GABPA: variants seen among roughly 807,000 people sequenced by gnomAD.
The protein encoded by GABPA is GA-binding protein alpha chain.
In GABPA, 4 loss-of-function variants were observed where a neutral mutation model predicts 59.4. The ratio of observed to expected loss-of-function variants is 0.07; its 90% confidence interval spans 0.03 to 0.15. The LOEUF is 0.15. GABPA is among the 10% of genes least tolerant of loss of function. The pLI is 1.00. For missense variants in GABPA, 251 were observed against 543.8 expected (o/e 0.46, Z 5.36); for synonymous variants, 164 against 183.1 (o/e 0.90, Z 0.84).
chr21:25,741,715 A>G, intron 2 of GABPA, 40 bp downstream of exon 2: 3 of 1,271,556 alleles, frequency 2.4e-6, no homozygotes, highest in Non-Finnish European at 3.4e-6. Flanking sequence ...TCAAAATATC[A>G]ATATACCTAA....
At chr21:25,762,110 T>C (rs2035778716) in intron 6 of GABPA, among the ~76,000 whole-genome samples, 1 of 152,172 alleles carries the variant, frequency 6.6e-6, no homozygotes, top group Non-Finnish European at 1.5e-5. Flanking sequence ...CCCTGTGTTA[T>C]TTCTCTTAAG....
chr21:25,757,265 G>C (rs1227425634), intron 5 of GABPA, among the ~76,000 whole-genome samples: 2 of 152,102 alleles, frequency 1.3e-5, no homozygotes, highest in Non-Finnish European at 2.9e-5. Context: ...AGGTGCGGGT[G>C]ATACAGCAAT....
Position 25,772,402 on chromosome 21 carries a change from A to G in GABPA, c.*3170A>G, listed in dbSNP as rs1161293254. ...TTATTTTCTATTTTTACGCAGATAA[A>G]TATTTGTGCATAAAATGTAAAAATA... On this transcript the variant is annotated 3_prime_UTR_variant, in exon 10 of 10. Transcript: ENST00000400075. 1.3e-5 allele frequency: 2 copies of G among 152,116 alleles called. No individual in the cohort carries two copies. Among genetic ancestry groups the G allele is most frequent in the Non-Finnish European group, 2.9e-5 (2 of 67,968 alleles). 9.4% of individuals were successfully genotyped at this position (152,116 alleles called of 1,614,324 possible). A position where few individuals can be genotyped will look rare whatever the true frequency, so the allele number is the denominator to read the frequency against.
At chr21:25,755,022 G>A (rs930865523) in intron 5 of GABPA, among the ~76,000 whole-genome samples, 1 of 152,120 alleles carries the variant, frequency 6.6e-6, no homozygotes, top group African/African-American at 2.4e-5. Flanking sequence ...GTGCACTCCA[G>A]CCTGGGCAAC....
At chr21:25,761,230 C>T (rs2035758333) in intron 6 of GABPA, among the ~76,000 whole-genome samples, 1 of 152,082 alleles carries the variant, frequency 6.6e-6, no homozygotes, top group Non-Finnish European at 1.5e-5. Flanking sequence ...TTTTTAAAAA[C>T]ATGTTTCTTT....
At chr21:25,758,337 A>G (rs1213374298) in intron 6 of GABPA, 133 bp downstream of exon 6, 4 of 626,004 alleles carry the variant, frequency 6.4e-6, no homozygotes, top group African/African-American at 5.7e-5. Context: ...TATTTACTGT[A>G]TAATGCTATG....
intron 6 of GABPA, among the ~76,000 whole-genome samples, chr21:25,760,748 G>T (rs2035746469): frequency 6.6e-6 from 1 of 152,162 alleles, no homozygotes; most frequent in African/African-American, 2.4e-5. Context: ...CCAGGGCTTT[G>T]CCTCTCAAGA....
chr21:25,759,194 A>G (rs1019602445), intron 6 of GABPA, among the ~76,000 whole-genome samples: 1 of 152,374 alleles, frequency 6.6e-6, no homozygotes, highest in African/African-American at 2.4e-5. Context: ...AGACACCGAA[A>G]GCAACCCATT....
intron 9 of GABPA, among the ~76,000 whole-genome samples, chr21:25,766,086 C>T (rs964956457): frequency 6.6e-6 from 1 of 151,822 alleles, no homozygotes; most frequent in Non-Finnish European, 1.5e-5. Flanking sequence ...ACAAATAGGC[C>T]ATACAGTAGA....
chr21:25,735,635 C>T (rs1041020543), intron 1 of GABPA, 57 bp downstream of exon 1: 10 of 152,304 alleles, frequency 6.6e-5, no homozygotes, highest in African/African-American at 2.4e-4. Context: ...CGGCCTCGTT[C>T]CGGGGCCTTT....
In GABPA at chr21:25,734,977, G is replaced by T. The variant is rs748989957; in HGVS notation, c.-628G>T. On this transcript the variant is annotated 5_prime_UTR_variant, in exon 1 of 10. Coordinates refer to ENST00000400075, the MANE Select transcript of GABPA (RefSeq NM_002040.4). ...GCATTATGGGCCGCCGTTTCAGTCG[G>T]TCGACGCTCACCGGACAGGAAGCGT... is the stretch of plus-strand genomic sequence containing the variant. The T allele has an allele frequency of 3.7e-5, 58 of 1,562,534 alleles. No individual in the cohort carries two copies. The highest frequency in any genetic ancestry group is 4.8e-5 in the Non-Finnish European group (56 of 1,155,904).
At chr21:25,761,042 A>G (rs2035754217) in intron 6 of GABPA, among the ~76,000 whole-genome samples, 3 of 152,084 alleles carry the variant, frequency 2.0e-5, no homozygotes, top group Admixed American at 2.0e-4. Context: ...AGTCTCAAAT[A>G]GTTCCTCTTT....
In GABPA at chr21:25,755,792, C is replaced by T. The variant is rs369367354; in HGVS notation, c.554-2218C>T. ...GAGACCCTGGAGGTTCTAACCACACCATCTACTTTAAATCTGTCTCCTTAT... is the reference window on the plus strand; with the variant it reads ...GAGACCCTGGAGGTTCTAACCACACTATCTACTTTAAATCTGTCTCCTTAT... On this transcript the variant is annotated intron_variant, in intron 5 of 9. Coordinates refer to ENST00000400075, the MANE Select transcript of GABPA (RefSeq NM_002040.4). Among the ~76,000 whole-genome samples, 41 of 152,274 alleles carry T rather than the reference C, an allele frequency of 2.7e-4. No homozygotes were observed. In the South Asian group the frequency reaches 8.5e-3, roughly 32 times the overall value.
chr21:25,751,661 T>G (rs2035515974), intron 4 of GABPA, among the ~76,000 whole-genome samples: 1 of 152,060 alleles, frequency 6.6e-6, no homozygotes, highest in East Asian at 1.9e-4. Flanking sequence ...TTTTATTGTT[T>G]CGTATTGGTA....
Position 25,756,520 on chromosome 21 carries a change from C to T in GABPA, c.554-1490C>T, listed in dbSNP as rs71651612. 3.9e-5 allele frequency among the ~76,000 whole-genome samples: 6 copies of T among 152,330 alleles called. No individual in the cohort carries two copies. In the East Asian group the frequency reaches 1.2e-3, roughly 29 times the overall value. On this transcript the variant is annotated intron_variant, in intron 5 of 9. Transcript: ENST00000400075. ...TGCTTCAGCCCTTTAAATCTTAACA[C>T]ACACTGCAGCTATTGGATTGGGCGA... is the stretch of plus-strand genomic sequence containing the variant.
Position 25,770,804 on chromosome 21 carries a change from G to A in GABPA, c.*1572G>A, listed in dbSNP as rs2035994557. 6.6e-6 allele frequency: 1 copy of A among 151,968 alleles called. No individual in the cohort carries two copies. Among genetic ancestry groups the A allele is most frequent in the South Asian group, 2.1e-4 (1 of 4,826 alleles). 9.4% of individuals were successfully genotyped at this position (151,968 alleles called of 1,614,324 possible). A position where few individuals can be genotyped will look rare whatever the true frequency, so the allele number is the denominator to read the frequency against. On this transcript the variant is annotated 3_prime_UTR_variant, in exon 10 of 10. Transcript: ENST00000400075. Reference sequence around the variant, plus strand: ...AAGGAAGAGAAGAGAGAGAGGGAGGGATCTTTGATCTCTTTCTCTGGTAAT... The same window carrying A: ...AAGGAAGAGAAGAGAGAGAGGGAGGAATCTTTGATCTCTTTCTCTGGTAAT...
chr21:25,737,737 T>A (rs547845049), intron 1 of GABPA, among the ~76,000 whole-genome samples: 24 of 152,318 alleles, frequency 1.6e-4, no homozygotes, highest in African/African-American at 5.5e-4. Flanking sequence ...TTTCTAATTT[T>A]AAAAAAATTG....
At chr21:25,764,893 CTTGT>C (rs2035853049) in intron 9 of GABPA, 106 bp downstream of exon 9, 2 of 739,506 alleles carry the variant, frequency 2.7e-6, no homozygotes, top group Non-Finnish European at 2.0e-6. Flanking sequence ...ATATTAAAAA[CTTGT>C]TTATGTTTTT....
rs2035977731 is a variant in GABPA at position 25,769,998 on chromosome 21, T to C, written c.*766T>C. The C allele has an allele frequency of 6.6e-6, 1 of 152,574 alleles. No homozygotes were observed. Among genetic ancestry groups the C allele is most frequent in the South Asian group, 2.1e-4 (1 of 4,830 alleles). The allele number at this position is 152,574 out of a possible 1,614,324, so 9.5% of individuals were successfully genotyped here. On this transcript the variant is annotated 3_prime_UTR_variant, in exon 10 of 10. Transcript: ENST00000400075. Reference sequence around the variant, plus strand: ...TATAAAAATTATAAAATGATCTCTGTTTTTCCTGTCAGAGATTTAAAAAAC... The same window carrying C: ...TATAAAAATTATAAAATGATCTCTGCTTTTCCTGTCAGAGATTTAAAAAAC...
Sources: allele counts gnomAD v4.1 joint callset (sites outside exome capture counted in the v4.1 genomes callset), GRCh38; gene constraint gnomAD v4.1.1; transcripts MANE v1.5; gene names NCBI Gene and HGNC (gene_info 2026-07-23, HGNC 2026-07-21).